RTN1: variants seen among roughly 807,000 people sequenced by gnomAD.
The protein encoded by RTN1 is reticulon 1, also known as reticulon-1.
RTN1 carries 25 observed loss-of-function variants against 65.5 expected under a neutral mutation model. The observed-to-expected ratio is 0.38, with a 90% CI of 0.28 to 0.53. RTN1 has a LOEUF of 0.53. RTN1 is among the 20% of genes least tolerant of loss of function. The probability of loss-of-function intolerance (pLI) is 0.79; values close to 1 mark genes in which losing one functional copy is unlikely to be tolerated. For missense variants in RTN1, 983 were observed against 1,025.4 expected, an observed-to-expected ratio of 0.96 and a Z score of 0.57; for synonymous variants, 471 against 447.6, an observed-to-expected ratio of 1.05 and a Z score of -0.66.
intron 1 of RTN1, among the ~76,000 whole-genome samples, chr14:59,756,246 A>C (rs570857883): frequency 9.8e-5 from 15 of 152,306 alleles, no homozygotes; most frequent in African/African-American, 3.6e-4. Flanking sequence ...CACTGTTTAA[A>C]GATGGAAATG....
intron 1 of RTN1, among the ~76,000 whole-genome samples, chr14:59,769,821 A>T (rs912111415): frequency 6.6e-6 from 1 of 152,178 alleles, no homozygotes; most frequent in Non-Finnish European, 1.5e-5. Context: ...AAGATACAGG[A>T]AGGAGAAAGT....
At chr14:59,770,180 C>T (rs746353341) in intron 1 of RTN1, among the ~76,000 whole-genome samples, 22 of 151,778 alleles carry the variant, frequency 1.4e-4, no homozygotes, top group Non-Finnish European at 3.1e-4. Flanking sequence ...GAGTTTGAGA[C>T]CAGCCTGGTC....
chr14:59,837,931 G>C (rs1024752098), intron 1 of RTN1, among the ~76,000 whole-genome samples: 2 of 151,944 alleles, frequency 1.3e-5, no homozygotes, highest in African/African-American at 4.8e-5. Context: ...GGGGGGTTTG[G>C]GGTCTTTTTA....
At chr14:59,666,298 A>G (rs1480546651) in intron 3 of RTN1, among the ~76,000 whole-genome samples, 1 of 152,122 alleles carries the variant, frequency 6.6e-6, no homozygotes, top group East Asian at 1.9e-4. Context: ...ACTCAAAACC[A>G]CACAACTACA....
At chr14:59,693,208 A>G (rs1883995920) in intron 3 of RTN1, among the ~76,000 whole-genome samples, 1 of 152,224 alleles carries the variant, frequency 6.6e-6, no homozygotes, top group Non-Finnish European at 1.5e-5. Context: ...ATTTTATTAT[A>G]GCCACCCAAA....
rs1883989613 is a variant in RTN1 at position 59,692,859 on chromosome 14, C to T, written c.1765+34060G>A. ...AAAATAAGCAATGGAAAAAGGACTC[C>T]CTATTCATTAAGAGGTGCTGGGATA... On this transcript the variant is annotated intron_variant, in intron 3 of 8. Transcript: ENST00000267484. 1.3e-5 allele frequency among the ~76,000 whole-genome samples: 2 copies of T among 151,996 alleles called. 1 individual carries two copies. Among genetic ancestry groups the T allele is most frequent in the South Asian group, 4.1e-4 (2 of 4,820 alleles).
At chr14:59,653,648 A>G (rs1413753042) in intron 3 of RTN1, among the ~76,000 whole-genome samples, 1 of 151,908 alleles carries the variant, frequency 6.6e-6, no homozygotes, top group Non-Finnish European at 1.5e-5. Context: ...TCATATGACT[A>G]TATTATTGAA....
chr14:59,596,588 AG>A lies in RTN1; in HGVS notation c.*156del. On this transcript the variant is annotated 3_prime_UTR_variant, in exon 9 of 9. Transcript: ENST00000267484. ...GTGACTCAAATATCCTAAGAGTACA[AG>A]GAACAGCCTAAAAACAGCTGTTTTA... The A allele has an allele frequency of 1.5e-6, 1 of 645,786 alleles. No individual in the cohort carries two copies. The highest frequency in any genetic ancestry group is 2.8e-6 in the Non-Finnish European group (1 of 352,726). The allele number at this position is 645,786 out of a possible 1,614,324, so 40.0% of individuals were successfully genotyped here.
At chr14:59,864,790 AGATTTT>A (rs1887769543) in intron 1 of RTN1, among the ~76,000 whole-genome samples, 1 of 152,170 alleles carries the variant, frequency 6.6e-6, no homozygotes, top group Non-Finnish European at 1.5e-5. Context: ...TGTACCTTTT[AGATTTT>A]AATACCATGT....
At chr14:59,645,393 A>C (rs1196121351) in intron 3 of RTN1, among the ~76,000 whole-genome samples, 1 of 150,846 alleles carries the variant, frequency 6.6e-6, no homozygotes, top group African/African-American at 2.4e-5. Flanking sequence ...CATGTTTTCT[A>C]TATATTACAT....
intron 1 of RTN1, among the ~76,000 whole-genome samples, chr14:59,787,807 A>C (rs1343239979): frequency 2.6e-5 from 4 of 152,186 alleles, no homozygotes; most frequent in African/African-American, 4.8e-5. Context: ...CAAAAGGCAT[A>C]AGATGGAAAG....
At chr14:59,860,938 G>A (rs1887698115) in intron 1 of RTN1, among the ~76,000 whole-genome samples, 1 of 152,192 alleles carries the variant, frequency 6.6e-6, no homozygotes, top group Admixed American at 6.5e-5. Context: ...TATCTAGGAA[G>A]TAACTAAGTT....
At chr14:59,652,531 T>A (rs1195889488) in intron 3 of RTN1, among the ~76,000 whole-genome samples, 6 of 152,114 alleles carry the variant, frequency 3.9e-5, no homozygotes, top group African/African-American at 1.4e-4. Context: ...TTTTGCAGGA[T>A]CACGAATGGA....
At chr14:59,733,543 C>T in intron 2 of RTN1, among the ~76,000 whole-genome samples, 1 of 152,178 alleles carries the variant, frequency 6.6e-6, no homozygotes, top group East Asian at 1.9e-4. Context: ...GGAGGGCTCC[C>T]TCCTGGGCTG....
chr14:59,837,245 G>T (rs1887228622), intron 1 of RTN1, among the ~76,000 whole-genome samples: 1 of 151,874 alleles, frequency 6.6e-6, no homozygotes, highest in Non-Finnish European at 1.5e-5. Context: ...AGTAAATGGT[G>T]TTGATGATTG....
intron 1 of RTN1, among the ~76,000 whole-genome samples, chr14:59,817,487 G>A (rs969575627): frequency 2.0e-5 from 3 of 152,254 alleles, no homozygotes; most frequent in Admixed American, 6.5e-5. Flanking sequence ...TCCTGAAGAA[G>A]ACACCCTTTA....
At position 59,798,946 on chromosome 14, in the gene RTN1, A is replaced by G. The variant is rs145062720; in HGVS notation, c.242-52465T>C. Among the ~76,000 whole-genome samples the G allele has an allele frequency of 2.1e-3, 313 of 152,330 alleles. 4 individuals carry two copies. Among genetic ancestry groups the G allele is most frequent in the African/African-American group, 7.0e-3 (292 of 41,580 alleles). On this transcript the variant is annotated intron_variant, in intron 1 of 8. Transcript: ENST00000267484. Reference sequence around the variant, plus strand: ...ATGATATAGGATTCTTAGCACTCCCATAACAGTTAGTGATTTGCTAAGATC... The same window carrying G: ...ATGATATAGGATTCTTAGCACTCCCGTAACAGTTAGTGATTTGCTAAGATC...
intron 3 of RTN1, among the ~76,000 whole-genome samples, chr14:59,673,789 T>A (rs1042161671): frequency 3.3e-5 from 5 of 152,210 alleles, no homozygotes; most frequent in African/African-American, 1.2e-4. Context: ...GGCTTTAAAC[T>A]GTCCTTGGAT....
chr14:59,679,152 TGTATTGA>T (rs1883691276), intron 3 of RTN1, among the ~76,000 whole-genome samples: 1 of 152,232 alleles, frequency 6.6e-6, no homozygotes, highest in African/African-American at 2.4e-5. Context: ...CTTGACATTT[TGTATTGA>T]GTATTATCAT....
Sources: gnomAD v4.1 joint callset for allele counts (sites outside exome capture counted in the v4.1 genomes callset) on GRCh38, gnomAD v4.1.1 for gene constraint, MANE v1.5 for transcripts, NCBI Gene and HGNC (gene_info 2026-07-23, HGNC 2026-07-21) for gene names.